The following PPFIA2 variants were observed in gnomAD, a reference collection of about 807,000 sequenced individuals.
The protein encoded by PPFIA2 is PPFI scaffold protein A2.
Under a neutral mutation model 175.5 loss-of-function variants are expected in PPFIA2, and 46 were observed. The ratio of observed to expected loss-of-function variants is 0.26; its 90% CI spans 0.21 to 0.34. The LOEUF is 0.34. PPFIA2 is among the 10% of genes least tolerant of loss of function. The probability of loss-of-function intolerance (pLI) is 1.00; values close to 1 mark genes in which losing one functional copy is unlikely to be tolerated. For missense variants in PPFIA2, 1,179 were observed against 1,506.1 expected (o/e 0.78, Z 3.60); for synonymous variants, 568 against 511.4 (o/e 1.11, Z -1.49).
At chr12:81,730,819 T>C (rs894066483) in intron 3 of PPFIA2, among the ~76,000 whole-genome samples, 6 of 151,548 alleles carry the variant, frequency 4.0e-5, no homozygotes, top group African/African-American at 1.5e-4. Context: ...TAAACCTGAG[T>C]TAATCTAACT....
intron 22 of PPFIA2, among the ~76,000 whole-genome samples, chr12:81,322,388 T>C (rs1301648610): frequency 2.6e-5 from 4 of 152,114 alleles, no homozygotes; most frequent in Non-Finnish European, 4.4e-5. Context: ...CAGAGAGTCA[T>C]GGCATCCCCA....
At chr12:81,675,811 G>A (rs1459622221) in intron 4 of PPFIA2, among the ~76,000 whole-genome samples, 1 of 151,938 alleles carries the variant, frequency 6.6e-6, no homozygotes, top group Non-Finnish European at 1.5e-5. Context: ...ATAAATACAA[G>A]CAGCTGTCTG....
At chr12:81,311,382 G>A (rs1049071966) in intron 22 of PPFIA2, among the ~76,000 whole-genome samples, 9 of 152,096 alleles carry the variant, frequency 5.9e-5, no homozygotes, top group Non-Finnish European at 1.0e-4. Flanking sequence ...GATATGTGCC[G>A]TTCTATTCAT....
chr12:81,532,954 C>A (rs1594598110), intron 4 of PPFIA2, among the ~76,000 whole-genome samples: 1 of 144,036 alleles, frequency 6.9e-6, no homozygotes, highest in East Asian at 2.0e-4. Flanking sequence ...CTTCATTTAA[C>A]AAATATCATT....
At chr12:81,637,236 A>ATTTTTT (rs71098156) in intron 4 of PPFIA2, among the ~76,000 whole-genome samples, 1 of 65,920 alleles carries the variant, frequency 1.5e-5, no homozygotes, top group Non-Finnish European at 2.6e-5. Context: ...CGCCAGGCTA[A>ATTTTTT]TTTTTTTTTT....
intron 4 of PPFIA2, among the ~76,000 whole-genome samples, chr12:81,488,479 C>T (rs1310662057): frequency 6.6e-6 from 1 of 151,592 alleles, no homozygotes; most frequent in Non-Finnish European, 1.5e-5. Context: ...AAGCTATCTC[C>T]CTCTCTTTCT....
intron 4 of PPFIA2, among the ~76,000 whole-genome samples, chr12:81,616,692 A>T (rs914479346): frequency 4.6e-5 from 7 of 152,176 alleles, no homozygotes; most frequent in Admixed American, 4.6e-4. Context: ...TCTCTACTTG[A>T]CATTCACCAC....
chr12:81,705,294 G>T (rs767316539), intron 3 of PPFIA2, among the ~76,000 whole-genome samples: 14 of 144,538 alleles, frequency 9.7e-5, no homozygotes, highest in Non-Finnish European at 1.8e-4. Context: ...CTCTACTAAA[G>T]AATACAAAAA....
At chr12:81,520,007 T>C (rs892309101) in intron 4 of PPFIA2, among the ~76,000 whole-genome samples, 1 of 152,210 alleles carries the variant, frequency 6.6e-6, no homozygotes, top group South Asian at 2.1e-4. Flanking sequence ...GTGGTCTCTC[T>C]CTCAAAAATT....
chr12:81,642,726 T>TACATTATGTATATATTATATACAC lies in PPFIA2; in HGVS notation c.303+34064_303+34065insGTGTATATAATATATACATAATGT, dbSNP rs2065306491. Among the ~76,000 whole-genome samples the TACATTATGTATATATTATATACAC allele has an allele frequency of 2.8e-4, 32 of 112,430 alleles. 10 individuals are homozygous for TACATTATGTATATATTATATACAC. Among genetic ancestry groups the TACATTATGTATATATTATATACAC allele is most frequent in the Non-Finnish European group, 5.0e-4 (28 of 55,914 alleles). 73.8% of individuals were successfully genotyped at this position (112,430 alleles called of 152,430 possible). ...TATATGTATGTATGTATTATATACA[T>TACATTATGTATATATTATATACAC]ACATGTATATGTATGTATGTATTAT... On this transcript the variant is annotated intron_variant, in intron 4 of 32. Coordinates refer to ENST00000549396, the MANE Select transcript of PPFIA2 (RefSeq NM_003625.5).
At chr12:81,574,082 C>G (rs867419542) in intron 4 of PPFIA2, among the ~76,000 whole-genome samples, 11 of 151,932 alleles carry the variant, frequency 7.2e-5, no homozygotes, top group Middle Eastern at 6.8e-3. Flanking sequence ...GCTACATTTT[C>G]TAATGTAACA....
chr12:81,673,271 C>G (rs2071782394), intron 4 of PPFIA2, among the ~76,000 whole-genome samples: 1 of 152,072 alleles, frequency 6.6e-6, no homozygotes, highest in South Asian at 2.1e-4. Context: ...TTTACAGATA[C>G]ATAACAGAGT....
intron 32 of PPFIA2, chr12:81,260,684 C>A (rs552175461): frequency 1.3e-5 from 2 of 152,210 alleles, no homozygotes; most frequent in East Asian, 3.9e-4. Flanking sequence ...TATCTGCTCC[C>A]ATCCTAAGCC....
chr12:81,673,713 T>C (rs1021269073), intron 4 of PPFIA2, among the ~76,000 whole-genome samples: 2 of 152,034 alleles, frequency 1.3e-5, no homozygotes, highest in African/African-American at 2.4e-5. Flanking sequence ...TCTCCAATGA[T>C]AAAAGCATTT....
At chr12:81,448,015 A>G (rs1372431241) in intron 5 of PPFIA2, among the ~76,000 whole-genome samples, 1 of 151,810 alleles carries the variant, frequency 6.6e-6, no homozygotes, top group African/African-American at 2.4e-5. Context: ...TTTTTTTTCT[A>G]ATTGTAAATT....
intron 3 of PPFIA2, among the ~76,000 whole-genome samples, chr12:81,710,032 AT>A (rs1395251517): frequency 2.0e-5 from 3 of 152,044 alleles, no homozygotes; most frequent in Admixed American, 6.6e-5. Flanking sequence ...TTCTTTTTTA[AT>A]AAATTATGGC....
intron 5 of PPFIA2, among the ~76,000 whole-genome samples, chr12:81,450,794 C>T (rs1223675600): frequency 6.6e-6 from 1 of 151,948 alleles, no homozygotes; most frequent in South Asian, 2.1e-4. Flanking sequence ...GTCTTTAATC[C>T]ATCTTGAATT....
intron 3 of PPFIA2, among the ~76,000 whole-genome samples, chr12:81,694,110 G>T (rs914969205): frequency 1.3e-5 from 2 of 152,044 alleles, no homozygotes; most frequent in Non-Finnish European, 2.9e-5. Context: ...CCATACCCTG[G>T]CCATGTGATA....
At chr12:81,343,566 G>A (rs983333865) in intron 19 of PPFIA2, among the ~76,000 whole-genome samples, 1 of 152,006 alleles carries the variant, frequency 6.6e-6, no homozygotes, top group East Asian at 1.9e-4. Context: ...TTCCAGGAGT[G>A]TTCCAATGTT....
Sources: allele counts gnomAD v4.1 joint callset (sites outside exome capture counted in the v4.1 genomes callset), GRCh38; gene constraint gnomAD v4.1.1; transcripts MANE v1.5; gene names NCBI Gene and HGNC (gene_info 2026-07-23, HGNC 2026-07-21).